Variants in SDR16C5 observed in about 807,000 individuals in gnomAD.
SDR16C5 encodes epidermal retinol dehydrogenase 2.
A neutral mutation model predicts 27.7 loss-of-function variants in SDR16C5; 20 were observed. The ratio of observed to expected loss-of-function variants is 0.72; its 90% CI spans 0.51 to 1.05. The LOEUF is 1.05. SDR16C5 is among the 50% of genes least tolerant of loss of function. SDR16C5 has a pLI of 0.00. For synonymous variants in SDR16C5, 139 were observed against 132.3 expected (o/e 1.05, Z -0.35); for missense variants, 374 against 366.3 (o/e 1.02, Z -0.17).
chr8:56,312,117 G>C, intron 3 of SDR16C5, 40 bp downstream of exon 3: 1 of 1,544,418 alleles, frequency 6.5e-7, no homozygotes, highest in Non-Finnish European at 8.9e-7. Context: ...CCAAATGCCA[G>C]AATAATTTTA....
In SDR16C5 at chr8:56,316,220, A is replaced by G. The variant is rs910218088; in HGVS notation, c.128T>C (p.Val43Ala). The change falls in exon 2 of 7, where the codon GTC becomes GCC. Residue 43 changes from valine (V) to alanine (A), a missense_variant. By Grantham distance (64) the Val-to-Ala change is moderately conservative. Transcript: ENST00000303749. ...KPRKNVAGEI[V>A]LITGAGSGLG... ...TCCACTTCCAGCACCTGTGATGAGG[A>G]CTATTTCACCAGCAACGTTCTTCCG... 1.2e-5 allele frequency: 20 copies of G among 1,614,020 alleles called. No individual in the cohort carries two copies. Among genetic ancestry groups the G allele is most frequent in the Non-Finnish European group, 1.6e-5 (19 of 1,179,986 alleles).
intron 3 of SDR16C5, chr8:56,309,410 T>C: frequency 8.1e-6 from 8 of 985,404 alleles, no homozygotes; most frequent in Non-Finnish European, 9.6e-6. Context: ...TGATTTTGAG[T>C]TTCAAATTTT....
At chr8:56,316,759 A>G (rs1585921794) in intron 1 of SDR16C5, among the ~76,000 whole-genome samples, 1 of 152,292 alleles carries the variant, frequency 6.6e-6, no homozygotes, top group East Asian at 1.9e-4. Flanking sequence ...CCACATCACA[A>G]TGTTTATAAC....
intron 2 of SDR16C5, 44 bp downstream of exon 2, chr8:56,315,971 G>A (rs756993384): frequency 1.5e-6 from 2 of 1,325,662 alleles, no homozygotes; most frequent in Non-Finnish European, 1.1e-6. Context: ...GTGAAAAAGA[G>A]TGTGATGTGT....
At position 56,301,882 on chromosome 8, in the gene SDR16C5, C is replaced by T. The variant is rs150926311; in HGVS notation, c.837-309G>A. 3.3e-3 allele frequency among the ~76,000 whole-genome samples: 502 copies of T among 152,212 alleles called. 4 individuals are homozygous for T. The highest frequency in any genetic ancestry group is 0.011 in the African/African-American group (473 of 41,518). On this transcript the variant is annotated intron_variant, in intron 6 of 6. Transcript: ENST00000303749. Reference sequence around the variant, plus strand: ...AGTGAAGTCTTGTCCTGTAGGCATGCGCTTTGGGGGCAGATGAGCCTGGCT... The same window carrying T: ...AGTGAAGTCTTGTCCTGTAGGCATGTGCTTTGGGGGCAGATGAGCCTGGCT...
chr8:56,320,129 C>T lies in SDR16C5; in HGVS notation c.-85G>A, dbSNP rs1815302965. Reference sequence around the variant, plus strand: ...GCCCCAGGCACCCGAGTCCCTGGCTCGGAGCTCAGTCAGGTTCAGGTGTTT... The same window carrying T: ...GCCCCAGGCACCCGAGTCCCTGGCTTGGAGCTCAGTCAGGTTCAGGTGTTT... On this transcript the variant is annotated 5_prime_UTR_variant, in exon 1 of 7. Coordinates refer to ENST00000303749, the MANE Select transcript of SDR16C5 (RefSeq NM_138969.4). The T allele has an allele frequency of 6.6e-6, 1 of 152,264 alleles. No individual in the cohort carries two copies. Among genetic ancestry groups the T allele is most frequent in the Non-Finnish European group, 1.5e-5 (1 of 68,098 alleles). The allele number at this position is 152,264 out of a possible 1,614,324, so 9.4% of individuals were successfully genotyped here.
intron 6 of SDR16C5, chr8:56,303,855 C>A: frequency 4.6e-6 from 3 of 657,484 alleles, no homozygotes; most frequent in Admixed American, 2.2e-5. Context: ...TGAATGCACA[C>A]CCTGCCCAAT....
chr8:56,305,798 G>A, intron 5 of SDR16C5, 76 bp from the exon 6 acceptor site: 2 of 1,447,262 alleles, frequency 1.4e-6, no homozygotes, highest in African/African-American at 1.5e-5. Context: ...TTTCAAATTA[G>A]GGATAAAAGG....
At chr8:56,314,515 T>C (rs1255549336) in intron 2 of SDR16C5, among the ~76,000 whole-genome samples, 1 of 152,214 alleles carries the variant, frequency 6.6e-6, no homozygotes, top group Non-Finnish European at 1.5e-5. Context: ...CATCAACCGG[T>C]TATTGCTTAA....
chr8:56,312,437 G>GCTCA (rs1424054230), intron 2 of SDR16C5, 149 bp from the exon 3 acceptor site: 1 of 684,884 alleles, frequency 1.5e-6, no homozygotes, highest in Non-Finnish European at 2.5e-6. Context: ...AGGCGCAGTG[G>GCTCA]CTCACACCTG....
chr8:56,312,442 C>G (rs1262431447), intron 2 of SDR16C5, among the ~76,000 whole-genome samples, 154 bp from the exon 3 acceptor site: 1 of 152,118 alleles, frequency 6.6e-6, no homozygotes, highest in East Asian at 1.9e-4. Flanking sequence ...CAGTGGCTCA[C>G]ACCTGTAATC....
chr8:56,303,376 T>C (rs1299465788), intron 6 of SDR16C5, among the ~76,000 whole-genome samples: 2 of 151,806 alleles, frequency 1.3e-5, no homozygotes, highest in Non-Finnish European at 2.9e-5. Flanking sequence ...CCTCCCACTG[T>C]GGGGTTTCCT....
chr8:56,316,951 T>G (rs1379439627), intron 1 of SDR16C5, among the ~76,000 whole-genome samples: 1 of 152,182 alleles, frequency 6.6e-6, no homozygotes, highest in African/African-American at 2.4e-5. Context: ...TCCGACAGAT[T>G]TGCAATCAGC....
intron 2 of SDR16C5, among the ~76,000 whole-genome samples, chr8:56,315,035 G>C (rs901166791): frequency 1.3e-5 from 2 of 151,978 alleles, no homozygotes; most frequent in African/African-American, 4.8e-5. Flanking sequence ...ACCTGAGGTC[G>C]GGAGTTCGAC....
At chr8:56,306,928 T>C in intron 4 of SDR16C5, 108 bp from the exon 5 acceptor site, 4 of 987,848 alleles carry the variant, frequency 4.0e-6, no homozygotes, top group Non-Finnish European at 5.8e-6. Flanking sequence ...AATTTCAGAG[T>C]TCTCCTTTTG....
Position 56,305,282 on chromosome 8 carries a change from G to A in SDR16C5, c.836+315C>T, listed in dbSNP as rs559318011. ...CCAACAGGATTATTTTATCATGAGC[G>A]CAAGAAAATCTCTCCTAAAAAAATC... On this transcript the variant is annotated intron_variant, in intron 6 of 6. Transcript: ENST00000303749. Among the ~76,000 whole-genome samples, 41 of 152,170 alleles carry A rather than the reference G, an allele frequency of 2.7e-4. 3 individuals are homozygous for A. In the South Asian group the frequency reaches 7.9e-3, roughly 29 times the overall value.
intron 3 of SDR16C5, chr8:56,309,668 G>C (rs1814974342): frequency 1.2e-6 from 1 of 802,942 alleles, no homozygotes; most frequent in East Asian, 1.3e-4. Context: ...TCACACCAAA[G>C]ACAAGGAGGT....
intron 1 of SDR16C5, among the ~76,000 whole-genome samples, chr8:56,319,201 G>A (rs1371491886): frequency 6.6e-6 from 1 of 150,898 alleles, no homozygotes; most frequent in African/African-American, 2.4e-5. Context: ...GGGTGCAAGA[G>A]GAGCTGTTTG....
At chr8:56,302,869 C>T (rs1361698860) in intron 6 of SDR16C5, among the ~76,000 whole-genome samples, 3 of 151,328 alleles carry the variant, frequency 2.0e-5, no homozygotes, top group Non-Finnish European at 4.4e-5. Flanking sequence ...ATAGTCCCAG[C>T]TATTTGGGAG....
Sources: allele counts gnomAD v4.1 joint callset (sites outside exome capture counted in the v4.1 genomes callset), GRCh38; gene constraint gnomAD v4.1.1; transcripts MANE v1.5; gene names NCBI Gene and HGNC (gene_info 2026-07-23, HGNC 2026-07-21).